SHPRH: variants seen among roughly 807,000 people sequenced by gnomAD.
SHPRH encodes SNF2 histone linker PHD RING helicase.
In SHPRH, 106 loss-of-function variants were observed where a neutral mutation model predicts 202.5. The ratio of observed to expected loss-of-function variants is 0.52; its 90% CI spans 0.45 to 0.62. The LOEUF (loss-of-function observed/expected upper bound fraction) is 0.62, where lower values mean the gene tolerates loss of function less well. Among genes scored for constraint, SHPRH ranks in the 20% least tolerant of loss-of-function variants. The pLI is 0.00. For missense variants in SHPRH, 1,710 were observed against 2,020.0 expected (o/e 0.85, Z 2.94); for synonymous variants, 729 against 686.0 (o/e 1.06, Z -0.98).
intron 23 of SHPRH, among the ~76,000 whole-genome samples, chr6:145,915,742 T>C (rs1193423506): frequency 6.6e-6 from 1 of 152,048 alleles, no homozygotes; most frequent in Non-Finnish European, 1.5e-5. Flanking sequence ...CTCTCAACTT[T>C]TTTTATTTCT....
At position 145,964,065 on chromosome 6, in the gene SHPRH, C is replaced by G. The variant is rs143976010; in HGVS notation, c.-367G>C. The G allele has an allele frequency of 4.2e-3, 636 of 152,484 alleles. 18 individuals carry two copies. The East Asian group carries it at 0.072, about 17-fold the overall frequency. 9.4% of individuals were successfully genotyped at this position (152,484 alleles called of 1,614,324 possible). On this transcript the variant is annotated 5_prime_UTR_variant, in exon 1 of 30. Coordinates refer to ENST00000275233, the MANE Select transcript of SHPRH (RefSeq NM_001042683.3). Reference sequence around the variant, plus strand: ...GCTTCCCGGGCTCCAGGACAACCAGCGTCCTCCCTCCCTGGTCCCGGAGGC... The same window carrying G: ...GCTTCCCGGGCTCCAGGACAACCAGGGTCCTCCCTCCCTGGTCCCGGAGGC...
At chr6:145,905,984 G>C (rs1214001455) in intron 25 of SHPRH, 1 of 151,946 alleles carries the variant, frequency 6.6e-6, no homozygotes, top group Non-Finnish European at 1.5e-5. Flanking sequence ...ACCTCTTGTA[G>C]AAATACTGCT....
In SHPRH at chr6:145,950,868, A is replaced by C. The variant is rs573653100; in HGVS notation, c.764-386T>G. ...TCAGAGAAGCTGACACGTAGCTGACACGTGTATTGTCTATTGTGGATGTTT... is the reference window on the plus strand; with the variant it reads ...TCAGAGAAGCTGACACGTAGCTGACCCGTGTATTGTCTATTGTGGATGTTT... On this transcript the variant is annotated intron_variant, in intron 3 of 29. Coordinates refer to ENST00000275233, the MANE Select transcript of SHPRH (RefSeq NM_001042683.3). 2.0e-5 allele frequency among the ~76,000 whole-genome samples: 3 copies of C among 151,876 alleles called. No homozygotes were observed. The East Asian group carries it at 5.8e-4, about 30-fold the overall frequency.
At chr6:145,957,983 C>T (rs1380270683) in intron 1 of SHPRH, among the ~76,000 whole-genome samples, 5 of 152,138 alleles carry the variant, frequency 3.3e-5, no homozygotes, top group Non-Finnish European at 7.4e-5. Flanking sequence ...GAATACTATT[C>T]TGTGATAAAA....
chr6:145,914,905 A>T (rs935307146), intron 23 of SHPRH, among the ~76,000 whole-genome samples: 1 of 151,974 alleles, frequency 6.6e-6, no homozygotes, highest in Admixed American at 6.6e-5. Flanking sequence ...TTCCACGTAC[A>T]CCTAAAAAAT....
At chr6:145,899,343 A>C (rs2128722164) in intron 25 of SHPRH, among the ~76,000 whole-genome samples, 1 of 152,280 alleles carries the variant, frequency 6.6e-6, no homozygotes, top group Admixed American at 6.5e-5. Flanking sequence ...ATAAAAACAG[A>C]CATACAGACC....
At chr6:145,918,881 T>G (rs1213177592) in intron 22 of SHPRH, 2 of 153,754 alleles carry the variant, frequency 1.3e-5, no homozygotes, top group African/African-American at 2.4e-5. Context: ...GGAGTAATGC[T>G]TTTAAACCTG....
chr6:145,929,407 A>C (rs1310460071), intron 14 of SHPRH, among the ~76,000 whole-genome samples: 1 of 152,088 alleles, frequency 6.6e-6, no homozygotes, highest in Non-Finnish European at 1.5e-5. Flanking sequence ...GTATTTATTT[A>C]CATATAATAT....
At position 145,934,959 on chromosome 6, in the gene SHPRH, C is replaced by G; in HGVS notation, c.2938G>C (p.Ala980Pro). 1 of 1,613,448 alleles carries G rather than the reference C, an allele frequency of 6.2e-7. No homozygotes were observed. Among genetic ancestry groups the G allele is most frequent in the South Asian group, 1.1e-5 (1 of 91,068 alleles). ...CGAACAGCCTGTGGGTGACAGCAGG[C>G]CTGTCTGAGCCTCAGCAATGGATAC... ...ILYPLLRLRQ[A>P]CCHPQAVRGE... Residue 980 changes from alanine (A) to proline (P), a missense_variant, in exon 13 of 30, where the codon GCC becomes CCC. This residue lies in a region of SHPRH where 3 missense variants were observed against 19.3 expected (regional missense o/e 0.16). Coordinates refer to ENST00000275233, the MANE Select transcript of SHPRH (RefSeq NM_001042683.3).
At chr6:145,963,419 G>A (rs1029654280) in intron 1 of SHPRH, among the ~76,000 whole-genome samples, 2 of 152,276 alleles carry the variant, frequency 1.3e-5, no homozygotes, top group East Asian at 1.9e-4. Flanking sequence ...TCGTGCTAAT[G>A]TCAAACTACT....
At chr6:145,869,124 C>T (rs539310569) in intron 2 of SHPRH, among the ~76,000 whole-genome samples, 2 of 152,226 alleles carry the variant, frequency 1.3e-5, no homozygotes, top group South Asian at 2.1e-4. Context: ...TGCATTTCCC[C>T]GATGCATTCA....
chr6:145,954,259 G>A (rs78826864), intron 2 of SHPRH, among the ~76,000 whole-genome samples: 6,132 of 151,990 alleles, frequency 0.04, 400 homozygotes, highest in African/African-American at 0.14. Context: ...AGTAATAAAG[G>A]GTAAGGCTCA....
At chr6:145,899,136 T>C (rs1190259354) in intron 25 of SHPRH, among the ~76,000 whole-genome samples, 1 of 152,090 alleles carries the variant, frequency 6.6e-6, no homozygotes, top group Non-Finnish European at 1.5e-5. Context: ...ATTTATAAAT[T>C]ACCCAGCCTC....
chr6:145,963,151 G>C (rs991711963), intron 1 of SHPRH, among the ~76,000 whole-genome samples: 1 of 152,202 alleles, frequency 6.6e-6, no homozygotes, highest in Non-Finnish European at 1.5e-5. Context: ...ATCGAGCACA[G>C]ACATAATCAT....
intron 29 of SHPRH, 32 bp downstream of exon 29, chr6:145,887,988 C>A (rs752264748): frequency 2.0e-6 from 3 of 1,509,512 alleles, no homozygotes; most frequent in Non-Finnish European, 2.8e-6. Context: ...GGAAAACCTT[C>A]CCCCTTCTAC....
At position 145,935,322 on chromosome 6, in the gene SHPRH, C is replaced by A; in HGVS notation, c.2689G>T (p.Ala897Ser). The stretch of plus-strand genomic sequence containing the variant: ...TTTGCAGACCTCCACAGTATCTTGG[C>A]AATAAAGCTGTAGAGATGCTGAGGA... ...KNPQHLYSFI[A>S]KILWRSAKKD... Residue 897 changes from alanine (A) to serine (S), a missense_variant, in exon 12 of 30, where the codon GCC becomes TCC. Ala to Ser is a moderately conservative substitution (Grantham distance 99). This residue lies in a region of SHPRH where 277 missense variants were observed against 363.0 expected (regional missense o/e 0.76). Transcript: ENST00000275233. 2 of 1,613,994 alleles carry A rather than the reference C, an allele frequency of 1.2e-6. No individual in the cohort carries two copies. Among genetic ancestry groups the A allele is most frequent in the Non-Finnish European group, 1.7e-6 (2 of 1,180,002 alleles).
chr6:145,867,631 T>TATATATATAGAGAGAGAGAGAG (rs1554220329), intron 2 of SHPRH, among the ~76,000 whole-genome samples: 3 of 22,314 alleles, frequency 1.3e-4, no homozygotes, highest in African/African-American at 4.3e-4. Context: ...TATATATATA[T>TATATATATAGAGAGAGAGAGAG]AGAGAGAGAG....
At chr6:145,949,499 T>C (rs909952063) in intron 4 of SHPRH, among the ~76,000 whole-genome samples, 2 of 151,980 alleles carry the variant, frequency 1.3e-5, no homozygotes, top group African/African-American at 4.8e-5. Context: ...GAAAAACAAA[T>C]ACCACATGTT....
chr6:145,874,705 G>A (rs1410572783), intron 2 of SHPRH, among the ~76,000 whole-genome samples: 2 of 152,048 alleles, frequency 1.3e-5, no homozygotes, highest in African/African-American at 4.8e-5. Flanking sequence ...AAATTTTCAA[G>A]GGCAGTCTTT....
Sources: gnomAD v4.1 joint callset for allele counts (sites outside exome capture counted in the v4.1 genomes callset) on GRCh38, gnomAD v4.1.1 for gene constraint, gnomAD v4.1.1 regional missense constraint, MANE v1.5 for transcripts, NCBI Gene and HGNC (gene_info 2026-07-23, HGNC 2026-07-21) for gene names.